Variants in UGGT2 observed in about 807,000 individuals in gnomAD.
The protein encoded by UGGT2 is UDP-glucose glycoprotein glucosyltransferase 2, also known as UDP-glucose:glycoprotein glucosyltransferase 2.
A neutral mutation model predicts 192.1 loss-of-function variants in UGGT2; 180 were observed. That is an observed-to-expected ratio of 0.94 (90% CI 0.83 to 1.06). UGGT2 has a LOEUF of 1.06. UGGT2 is among the 50% of genes least tolerant of loss of function. The pLI, the probability that UGGT2 is intolerant of heterozygous loss-of-function variation, is 0.00. For synonymous variants in UGGT2, 580 were observed against 591.0 expected, an observed-to-expected ratio of 0.98 and a Z score of 0.27; for missense variants, 1,849 against 1,795.7, an observed-to-expected ratio of 1.03 and a Z score of -0.54.
At chr13:95,820,320 G>C (rs951038940) in intron 38 of UGGT2, among the ~76,000 whole-genome samples, 1 of 151,986 alleles carries the variant, frequency 6.6e-6, no homozygotes, top group African/African-American at 2.4e-5. Context: ...TTCCACAGAA[G>C]AAGCAGACAA....
chr13:96,023,803 C>T, intron 2 of UGGT2, 44 bp from the exon 3 acceptor site: 1 of 1,486,048 alleles, frequency 6.7e-7, no homozygotes. Context: ...GCATTTTATA[C>T]ACTGCACATT....
intron 2 of UGGT2, among the ~76,000 whole-genome samples, chr13:96,030,585 G>T (rs2052803316): frequency 6.6e-6 from 1 of 152,152 alleles, no homozygotes; most frequent in Non-Finnish European, 1.5e-5. Flanking sequence ...ACAGGCTTCA[G>T]TAAATGAGCA....
chr13:96,027,208 A>T (rs2052696130), intron 2 of UGGT2, among the ~76,000 whole-genome samples: 1 of 152,230 alleles, frequency 6.6e-6, no homozygotes, highest in Admixed American at 6.5e-5. Flanking sequence ...CAGTCAAAGG[A>T]CTGGTCACCC....
intron 10 of UGGT2, among the ~76,000 whole-genome samples, chr13:95,982,934 T>G (rs2051173931): frequency 6.6e-6 from 1 of 152,192 alleles, no homozygotes; most frequent in Non-Finnish European, 1.5e-5. Context: ...ATTACCATCA[T>G]TGTAGTTGTC....
chr13:95,825,437 T>G (rs1262259272), intron 38 of UGGT2, among the ~76,000 whole-genome samples: 3 of 152,140 alleles, frequency 2.0e-5, no homozygotes, highest in Admixed American at 2.0e-4. Flanking sequence ...GCAAGAAAGC[T>G]ATCCAACTCC....
chr13:95,900,569 A>G (rs2048075357), intron 22 of UGGT2, among the ~76,000 whole-genome samples: 1 of 152,160 alleles, frequency 6.6e-6, no homozygotes, highest in South Asian at 2.1e-4. Flanking sequence ...AGCAAGACAC[A>G]TAAAGAACAT....
intron 6 of UGGT2, 62 bp from the exon 7 acceptor site, chr13:95,996,197 G>C: frequency 6.8e-7 from 1 of 1,470,396 alleles, no homozygotes; most frequent in Non-Finnish European, 9.4e-7. Context: ...AAAAGAACAT[G>C]TAATCAAAAA....
At chr13:95,881,731 G>A (rs2047501697) in intron 27 of UGGT2, among the ~76,000 whole-genome samples, 1 of 151,926 alleles carries the variant, frequency 6.6e-6, no homozygotes, top group Non-Finnish European at 1.5e-5. Flanking sequence ...GCCTTTTATG[G>A]CAATACCTGG....
At chr13:95,860,942 T>C (rs1387566265) in intron 31 of UGGT2, 59 bp from the exon 32 acceptor site, 10 of 908,450 alleles carry the variant, frequency 1.1e-5, no homozygotes, top group African/African-American at 1.7e-5. Context: ...ATTGTATGCC[T>C]AAATAGTAAA....
intron 26 of UGGT2, chr13:95,887,172 G>C (rs138138185): frequency 6.5e-4 from 255 of 390,842 alleles, no homozygotes; most frequent in African/African-American, 4.7e-3. Context: ...TGTCTTGTGT[G>C]TGTATGCATA....
chr13:96,045,598 T>C (rs2053287070), intron 1 of UGGT2, among the ~76,000 whole-genome samples: 1 of 152,022 alleles, frequency 6.6e-6, no homozygotes, highest in African/African-American at 2.4e-5. Flanking sequence ...CAAAGACTCC[T>C]CCAAAAAGCT....
intron 36 of UGGT2, among the ~76,000 whole-genome samples, chr13:95,843,670 G>A (rs530867853): frequency 6.4e-4 from 96 of 150,358 alleles, no homozygotes; most frequent in African/African-American, 2.2e-3. Flanking sequence ...GGTTTTTGGG[G>A]TTTTTTTTTG....
At chr13:95,990,110 C>T (rs749989198) in intron 7 of UGGT2, 37 bp from the exon 8 acceptor site, 2 of 1,396,480 alleles carry the variant, frequency 1.4e-6, no homozygotes. Flanking sequence ...AGTAGCATCA[C>T]CTATCACAAA....
rs1466345757 is a variant in UGGT2 at position 95,853,537 on chromosome 13, A to G, written c.4284+6T>C. On this transcript the variant is annotated splice_donor_region_variant and intron_variant, in intron 36 of 38. Transcript: ENST00000376747. ...CTCAAAATTATTCTGTTAACATTTT[A>G]CTTACCTGATCTAGGTTTGAAAGAC... 6.2e-7 allele frequency: 1 copy of G among 1,611,112 alleles called. No individual in the cohort carries two copies. The highest frequency in any genetic ancestry group is 1.3e-5 in the African/African-American group (1 of 74,730).
intron 37 of UGGT2, 25 bp downstream of exon 37, chr13:95,837,061 T>C (rs1251436929): frequency 4.6e-6 from 7 of 1,513,268 alleles, no homozygotes; most frequent in East Asian, 4.5e-5. Context: ...TCTGCTTACA[T>C]ACAAATGAAA....
At chr13:96,032,035 CTG>C in intron 1 of UGGT2, 64 bp from the exon 2 acceptor site, 1 of 1,237,458 alleles carries the variant, frequency 8.1e-7, no homozygotes. Flanking sequence ...ATACTATAAA[CTG>C]TACTCAAGAA....
At chr13:95,987,656 C>T (rs970302605) in intron 8 of UGGT2, among the ~76,000 whole-genome samples, 2 of 152,120 alleles carry the variant, frequency 1.3e-5, no homozygotes, top group East Asian at 3.8e-4. Flanking sequence ...GCTTCACAAA[C>T]CATGCTAAGG....
chr13:95,999,010 G>T (rs548203059), intron 6 of UGGT2, among the ~76,000 whole-genome samples: 10 of 152,082 alleles, frequency 6.6e-5, no homozygotes, highest in Non-Finnish European at 1.5e-4. Flanking sequence ...TATTTTTAAA[G>T]AAATTTTGAT....
At chr13:95,946,944 G>A (rs2049889893) in intron 15 of UGGT2, 93 bp downstream of exon 15, 1 of 1,277,306 alleles carries the variant, frequency 7.8e-7, no homozygotes, top group Non-Finnish European at 1.1e-6. Flanking sequence ...TACAATAAAT[G>A]TAATGCAAAA....
Sources: allele counts gnomAD v4.1 joint callset (sites outside exome capture counted in the v4.1 genomes callset), GRCh38; gene constraint gnomAD v4.1.1; transcripts MANE v1.5; gene names NCBI Gene and HGNC (gene_info 2026-07-23, HGNC 2026-07-21).